The following NLGN1 variants were observed in gnomAD, a reference collection of about 807,000 sequenced individuals.
NLGN1 encodes neuroligin-1.
Under a neutral mutation model 65.5 loss-of-function variants are expected in NLGN1, and 12 were observed. That is an observed-to-expected ratio of 0.18 (90% CI 0.12 to 0.30). The LOEUF (loss-of-function observed/expected upper bound fraction) is 0.30. Among genes scored for constraint, NLGN1 ranks in the 10% least tolerant of loss-of-function variants. The pLI is 1.00. For synonymous variants in NLGN1, 350 were observed against 359.5 expected (o/e 0.97, Z 0.30); for missense variants, 750 against 1,007.1 (o/e 0.74, Z 3.46).
chr3:173,623,527 C>A (rs1298558242), intron 3 of NLGN1, among the ~76,000 whole-genome samples: 1 of 151,946 alleles, frequency 6.6e-6, no homozygotes, highest in Admixed American at 6.6e-5. Context: ...TGTGTACCAA[C>A]AAGAGAGAAT....
At position 173,788,475 on chromosome 3, in the gene NLGN1, C is replaced by T. The variant is rs575874648; in HGVS notation, c.494-19205C>T. ...ATATTTATTGTGTCCTCAACATATA[C>T]CAGACTCTATTCTAAGAGCTATACA... On this transcript the variant is annotated intron_variant, in intron 3 of 6. Coordinates refer to ENST00000457714, the Ensembl canonical transcript of NLGN1. Among the ~76,000 whole-genome samples the T allele has an allele frequency of 9.9e-5, 15 of 151,910 alleles. No homozygotes were observed. In the East Asian group the frequency reaches 2.5e-3, roughly 25 times the overall value.
intron 4 of NLGN1, among the ~76,000 whole-genome samples, chr3:173,988,679 C>A (rs1352275387): frequency 6.6e-6 from 1 of 152,126 alleles, no homozygotes; most frequent in East Asian, 1.9e-4. Flanking sequence ...CTCTCTTCTA[C>A]TTTTTTTGCT....
At chr3:174,226,744 A>C (rs1739784040) in intron 4 of NLGN1, among the ~76,000 whole-genome samples, 1 of 151,898 alleles carries the variant, frequency 6.6e-6, no homozygotes. Context: ...ATTTAAAATA[A>C]CACTAAATTT....
intron 3 of NLGN1, among the ~76,000 whole-genome samples, chr3:173,668,360 A>G (rs750772118): frequency 6.6e-6 from 1 of 152,146 alleles, no homozygotes; most frequent in Non-Finnish European, 1.5e-5. Flanking sequence ...AGACTCACAA[A>G]CCAAAATGCG....
At chr3:173,888,548 C>T (rs1412722441) in intron 4 of NLGN1, among the ~76,000 whole-genome samples, 2 of 151,914 alleles carry the variant, frequency 1.3e-5, no homozygotes, top group East Asian at 1.9e-4. Flanking sequence ...CAGAGGCCAG[C>T]TATTCTGAAG....
At chr3:173,806,496 AAG>A (rs1156261493) in intron 3 of NLGN1, among the ~76,000 whole-genome samples, 5 of 152,144 alleles carry the variant, frequency 3.3e-5, no homozygotes, top group Admixed American at 1.3e-4. Context: ...GGCATAAAAA[AAG>A]ATAATACATT....
intron 3 of NLGN1, among the ~76,000 whole-genome samples, chr3:173,799,215 T>C (rs1439682978): frequency 6.6e-6 from 1 of 151,996 alleles, no homozygotes; most frequent in Non-Finnish European, 1.5e-5. Context: ...CGTGTGTTTG[T>C]AATGATTGCT....
In NLGN1 at chr3:174,118,633, A is replaced by G. The variant is rs559998396; in HGVS notation, c.647-156682A>G. On this transcript the variant is annotated intron_variant, in intron 4 of 6. Coordinates refer to ENST00000457714, the Ensembl canonical transcript of NLGN1. Reference sequence around the variant, plus strand: ...GAATAAAATTCTGAAGTTATTCTTGAAGGATTCTTAGATGTTCAGCAAGTA... The same window carrying G: ...GAATAAAATTCTGAAGTTATTCTTGGAGGATTCTTAGATGTTCAGCAAGTA... Among the ~76,000 whole-genome samples, 58 of 152,260 alleles carry G rather than the reference A, an allele frequency of 3.8e-4. 2 individuals are homozygous for G. In the South Asian group the frequency reaches 0.012, roughly 31 times the overall value.
chr3:173,649,691 C>T (rs890195813), intron 3 of NLGN1, among the ~76,000 whole-genome samples: 7 of 151,900 alleles, frequency 4.6e-5, no homozygotes, highest in Non-Finnish European at 1.0e-4. Flanking sequence ...ACACACAGAC[C>T]TAGAGAGAAA....
intron 2 of NLGN1, among the ~76,000 whole-genome samples, chr3:173,529,119 A>T (rs568041492): frequency 3.2e-4 from 48 of 152,110 alleles, no homozygotes; most frequent in African/African-American, 1.1e-3. Context: ...ATCTATCTTT[A>T]TTTTATTTAT....
At chr3:173,495,801 C>A (rs1346309204) in intron 2 of NLGN1, among the ~76,000 whole-genome samples, 1 of 151,258 alleles carries the variant, frequency 6.6e-6, no homozygotes, top group Non-Finnish European at 1.5e-5. Flanking sequence ...TCTCTTGTAC[C>A]CCATACCAGT....
rs140547743 is a variant in NLGN1, at chr3:173,971,447, A to C, written c.646+163615A>C. On this transcript the variant is annotated intron_variant, in intron 4 of 6. Coordinates refer to ENST00000457714, the Ensembl canonical transcript of NLGN1. ...GAGACAGAGGATGATGATGATGATG[A>C]TGCTGAGAGGAGAGCTCAAGGACTT... Among the ~76,000 whole-genome samples, 347 of 152,174 alleles carry C rather than the reference A, an allele frequency of 2.3e-3. 1 individual carries two copies. Among genetic ancestry groups the C allele is most frequent in the African/African-American group, 7.8e-3 (322 of 41,548 alleles).
At chr3:173,462,163 T>C (rs1474600515) in intron 2 of NLGN1, among the ~76,000 whole-genome samples, 1 of 152,202 alleles carries the variant, frequency 6.6e-6, no homozygotes, top group Non-Finnish European at 1.5e-5. Context: ...TTTCTTTACT[T>C]ATCTCATTGC....
At chr3:173,639,193 A>G (rs1035689775) in intron 3 of NLGN1, among the ~76,000 whole-genome samples, 15 of 152,328 alleles carry the variant, frequency 9.8e-5, no homozygotes, top group African/African-American at 3.4e-4. Context: ...GCAATAAACA[A>G]TTTTCCTGGC....
rs9860892 is a variant in NLGN1 at position 174,158,243 on chromosome 3, G to A, written c.647-117072G>A. Among the ~76,000 whole-genome samples the A allele has an allele frequency of 6.6e-3, 1,002 of 151,710 alleles. 11 individuals carry two copies. Among genetic ancestry groups the A allele is most frequent in the African/African-American group, 0.023 (939 of 41,444 alleles). ...AAAATTTCACACGTTTCTCAAATGC[G>A]AAGAAGAAAATTTGTGTTCAAAGAC... On this transcript the variant is annotated intron_variant, in intron 4 of 6. Coordinates refer to ENST00000457714, the Ensembl canonical transcript of NLGN1.
At chr3:173,807,421 A>T (rs116750790) in intron 3 of NLGN1, among the ~76,000 whole-genome samples, 1 of 152,166 alleles carries the variant, frequency 6.6e-6, no homozygotes, top group African/African-American at 2.4e-5. Flanking sequence ...TAAAATTCAC[A>T]TCTAATTTTA....
At chr3:173,922,940 G>A (rs1742318985) in intron 4 of NLGN1, among the ~76,000 whole-genome samples, 1 of 152,070 alleles carries the variant, frequency 6.6e-6, no homozygotes, top group South Asian at 2.1e-4. Flanking sequence ...AGCCTGTTCT[G>A]AGATTTGAAT....
At chr3:174,157,952 A>G (rs1725764190) in intron 4 of NLGN1, among the ~76,000 whole-genome samples, 1 of 151,688 alleles carries the variant, frequency 6.6e-6, no homozygotes, top group African/African-American at 2.4e-5. Context: ...TTCTAACACC[A>G]CTTACAAAAA....
At chr3:173,908,799 G>A (rs1385817668) in intron 4 of NLGN1, among the ~76,000 whole-genome samples, 2 of 152,160 alleles carry the variant, frequency 1.3e-5, no homozygotes, top group East Asian at 3.9e-4. Flanking sequence ...TTGTTGAGAT[G>A]ATGGCATTGC....
Sources: gnomAD v4.1 joint callset for allele counts (sites outside exome capture counted in the v4.1 genomes callset) on GRCh38, gnomAD v4.1.1 for gene constraint, MANE v1.5 for transcripts, NCBI Gene and HGNC (gene_info 2026-07-23, HGNC 2026-07-21) for gene names.